Variants in HS6ST3 observed in about 807,000 individuals in gnomAD.
The protein encoded by HS6ST3 is heparan-sulfate 6-O-sulfotransferase 3.
HS6ST3 carries 12 observed loss-of-function variants against 36.7 expected under a neutral mutation model. The observed-to-expected ratio is 0.33, with a 90% CI of 0.21 to 0.53. The LOEUF (loss-of-function observed/expected upper bound fraction) is 0.53, where lower values mean the gene tolerates loss of function less well. Ranked by LOEUF, HS6ST3 falls within the 20% of genes least tolerant of loss-of-function variation. HS6ST3 has a pLI of 0.95. For synonymous variants in HS6ST3, 240 were observed against 257.5 expected (o/e 0.93, Z 0.65); for missense variants, 584 against 640.9 (o/e 0.91, Z 0.96).
intron 1 of HS6ST3, among the ~76,000 whole-genome samples, chr13:96,338,443 C>G (rs1390215818): frequency 6.6e-6 from 1 of 152,196 alleles, no homozygotes; most frequent in African/African-American, 2.4e-5. Flanking sequence ...CAGAATCCTT[C>G]TTTCTTTCTG....
At position 96,217,823 on chromosome 13, in the gene HS6ST3, T is replaced by G. The variant is rs565034948; in HGVS notation, c.707+126254T>G. Reference sequence around the variant, plus strand: ...ATACATGTGTATATATTTATATACATGTATGTGTTTATGTGTATAGTTAGA... The same window carrying G: ...ATACATGTGTATATATTTATATACAGGTATGTGTTTATGTGTATAGTTAGA... On this transcript the variant is annotated intron_variant, in intron 1 of 1. Transcript: ENST00000376705. Among the ~76,000 whole-genome samples, 51 of 152,292 alleles carry G rather than the reference T, an allele frequency of 3.3e-4. 1 individual carries two copies. In the East Asian group the frequency reaches 9.5e-3, roughly 28 times the overall value.
intron 1 of HS6ST3, among the ~76,000 whole-genome samples, chr13:96,490,581 A>C (rs1169630068): frequency 1.3e-5 from 2 of 152,180 alleles, no homozygotes; most frequent in Non-Finnish European, 2.9e-5. Context: ...AGTGCTGAAA[A>C]TTCTTAGGAC....
At chr13:96,331,686 C>T (rs55911231) in intron 1 of HS6ST3, among the ~76,000 whole-genome samples, 69,656 of 151,900 alleles carry the variant, frequency 0.46, 16,395 homozygotes, top group African/African-American at 0.56. Flanking sequence ...AGGCAGGCCT[C>T]CTTGAGCTGT....
intron 1 of HS6ST3, among the ~76,000 whole-genome samples, chr13:96,625,941 C>A (rs1479268617): frequency 1.3e-5 from 2 of 151,716 alleles, no homozygotes; most frequent in Admixed American, 1.3e-4. Flanking sequence ...CCCAGGTTCA[C>A]GCCATTCTCC....
At chr13:96,167,241 G>C (rs2054165142) in intron 1 of HS6ST3, among the ~76,000 whole-genome samples, 1 of 152,056 alleles carries the variant, frequency 6.6e-6, no homozygotes. Flanking sequence ...AGGGATGTTG[G>C]GATAATTTAT....
At chr13:96,148,252 G>A (rs952973438) in intron 1 of HS6ST3, among the ~76,000 whole-genome samples, 2 of 152,200 alleles carry the variant, frequency 1.3e-5, no homozygotes, top group Non-Finnish European at 2.9e-5. Context: ...TTTGCTTAAA[G>A]TCACAGTTTC....
intron 1 of HS6ST3, among the ~76,000 whole-genome samples, chr13:96,244,309 C>G (rs1357024700): frequency 6.6e-6 from 1 of 152,202 alleles, no homozygotes; most frequent in South Asian, 2.1e-4. Flanking sequence ...GTTGACAAAG[C>G]GATCACTTTG....
At chr13:96,710,504 G>A (rs1158152935) in intron 1 of HS6ST3, among the ~76,000 whole-genome samples, 2 of 152,274 alleles carry the variant, frequency 1.3e-5, no homozygotes, top group African/African-American at 2.4e-5. Flanking sequence ...ACAAGTAACA[G>A]TAGATTTTCT....
chr13:96,219,689 C>CT (rs879763852), intron 1 of HS6ST3, among the ~76,000 whole-genome samples: 174 of 146,494 alleles, frequency 1.2e-3, no homozygotes, highest in African/African-American at 2.2e-3. Context: ...GATTCTCTTT[C>CT]TTTTTTTTTT....
chr13:96,162,144 A>G (rs560742829), intron 1 of HS6ST3, among the ~76,000 whole-genome samples: 25 of 152,324 alleles, frequency 1.6e-4, no homozygotes, highest in African/African-American at 6.0e-4. Context: ...AGATCAAGGA[A>G]TTTTCCCAGA....
chr13:96,762,443 G>A (rs185404374), intron 1 of HS6ST3, among the ~76,000 whole-genome samples: 59 of 152,330 alleles, frequency 3.9e-4, no homozygotes, highest in African/African-American at 1.3e-3. Flanking sequence ...CAGTGCCACT[G>A]CACTCCAGCC....
intron 1 of HS6ST3, among the ~76,000 whole-genome samples, chr13:96,364,135 T>A (rs1174474532): frequency 6.6e-6 from 1 of 152,004 alleles, no homozygotes; most frequent in African/African-American, 2.4e-5. Context: ...AAATAATGAG[T>A]GTTGGCAAGT....
chr13:96,235,717 G>C (rs554394675), intron 1 of HS6ST3, among the ~76,000 whole-genome samples: 1 of 151,960 alleles, frequency 6.6e-6, no homozygotes, highest in Admixed American at 6.6e-5. Context: ...GTCATCTACT[G>C]ATCTCCTGGT....
intron 1 of HS6ST3, among the ~76,000 whole-genome samples, chr13:96,097,117 A>T (rs1325157160): frequency 6.6e-6 from 1 of 152,200 alleles, no homozygotes; most frequent in Admixed American, 6.5e-5. Context: ...TAGTGAAGAC[A>T]TGAATTGGAA....
At chr13:96,809,041 A>G (rs1304623113) in intron 1 of HS6ST3, among the ~76,000 whole-genome samples, 2 of 152,150 alleles carry the variant, frequency 1.3e-5, no homozygotes, top group Non-Finnish European at 2.9e-5. Flanking sequence ...AACAAAATAC[A>G]TGCCACTCTG....
At chr13:96,630,626 A>G (rs12429344) in intron 1 of HS6ST3, among the ~76,000 whole-genome samples, 5,546 of 151,796 alleles carry the variant, frequency 0.037, 173 homozygotes, top group Admixed American at 0.092. Flanking sequence ...TCTTCCTCCT[A>G]TACCCTGACA....
chr13:96,714,934 T>C (rs1304641134), intron 1 of HS6ST3, among the ~76,000 whole-genome samples: 1 of 152,072 alleles, frequency 6.6e-6, no homozygotes, highest in East Asian at 1.9e-4. Context: ...CTTAAACTCC[T>C]GGTCTCAAGC....
intron 1 of HS6ST3, among the ~76,000 whole-genome samples, chr13:96,097,267 T>G (rs1594674816): frequency 6.6e-6 from 1 of 152,144 alleles, no homozygotes; most frequent in Non-Finnish European, 1.5e-5. Flanking sequence ...CAATGTGGAT[T>G]TGCTTAGTCT....
intron 1 of HS6ST3, among the ~76,000 whole-genome samples, chr13:96,448,291 C>A (rs2055709201): frequency 6.6e-6 from 1 of 152,172 alleles, no homozygotes; most frequent in Non-Finnish European, 1.5e-5. Context: ...TGTGTCTATT[C>A]CTTAAAATTT....
Sources: allele counts gnomAD v4.1 joint callset (sites outside exome capture counted in the v4.1 genomes callset), GRCh38; gene constraint gnomAD v4.1.1; transcripts MANE v1.5; gene names NCBI Gene and HGNC (gene_info 2026-07-23, HGNC 2026-07-21).